The following VSTM4 variants were observed in gnomAD, a reference collection of about 807,000 sequenced individuals.
VSTM4 encodes the protein V-set and transmembrane domain-containing protein 4.
VSTM4 carries 20 observed loss-of-function variants against 36.4 expected under a neutral mutation model. The observed-to-expected ratio is 0.55, with a 90% CI of 0.39 to 0.80. VSTM4 has a LOEUF of 0.80. VSTM4 is among the 30% of genes least tolerant of loss of function. The pLI, the probability that VSTM4 is intolerant of heterozygous loss-of-function variation, is 0.00. For missense variants in VSTM4, 392 were observed against 404.5 expected, an observed-to-expected ratio of 0.97 and a Z score of 0.26; for synonymous variants, 182 against 173.9, an observed-to-expected ratio of 1.05 and a Z score of -0.37.
intron 2 of VSTM4, among the ~76,000 whole-genome samples, chr10:49,087,345 T>G (rs1844387450): frequency 6.6e-6 from 1 of 152,224 alleles, no homozygotes; most frequent in South Asian, 2.1e-4. Context: ...CTTTCATATT[T>G]GCACTTCCCA....
chr10:49,070,589 A>C (rs1844059902), intron 4 of VSTM4, among the ~76,000 whole-genome samples: 1 of 152,222 alleles, frequency 6.6e-6, no homozygotes, highest in Non-Finnish European at 1.5e-5. Flanking sequence ...AACGGCAGTC[A>C]CTCAGCACAG....
intron 7 of VSTM4, among the ~76,000 whole-genome samples, chr10:49,032,327 C>T (rs985245478): frequency 9.3e-5 from 14 of 151,276 alleles, no homozygotes; most frequent in Admixed American, 2.0e-4. Flanking sequence ...GACCACATCA[C>T]TGGGCTCCCC....
chr10:49,025,731 TGGCTACCAAGTGACCGGCACACG>T (rs1344925632), intron 7 of VSTM4, among the ~76,000 whole-genome samples: 1 of 152,198 alleles, frequency 6.6e-6, no homozygotes, highest in Non-Finnish European at 1.5e-5. Flanking sequence ...GCAATGCACC[TGGCTACCAAGTGACCGGCACACG>T]GGCTAGCTGC....
rs74473854 is a variant in VSTM4, at chr10:49,081,180, C to A, written c.527-3854G>T. On this transcript the variant is annotated intron_variant, in intron 3 of 7. Transcript: ENST00000332853. ...AGTCCTGCCTTTCCACATTGGTCAG[C>A]AAACTACTCCAGAACAGGATGGCAG... is the stretch of plus-strand genomic sequence containing the variant. 1.8e-4 allele frequency among the ~76,000 whole-genome samples: 28 copies of A among 152,270 alleles called. No individual in the cohort carries two copies. In the East Asian group the frequency reaches 5.4e-3, roughly 29 times the overall value.
At chr10:49,106,496 A>G (rs1011448510) in intron 2 of VSTM4, among the ~76,000 whole-genome samples, 1 of 152,270 alleles carries the variant, frequency 6.6e-6, no homozygotes, top group African/African-American at 2.4e-5. Flanking sequence ...GAGATGTTGC[A>G]GAAATGCTGT....
intron 5 of VSTM4, among the ~76,000 whole-genome samples, chr10:49,058,099 A>G (rs990373134): frequency 1.6e-4 from 24 of 152,202 alleles, no homozygotes; most frequent in African/African-American, 5.5e-4. Context: ...CTCTGCAGCC[A>G]TCCTCAGCTT....
At chr10:49,064,664 A>G in intron 5 of VSTM4, 39 bp downstream of exon 5, 4 of 1,593,494 alleles carry the variant, frequency 2.5e-6, no homozygotes, top group Non-Finnish European at 3.4e-6. Flanking sequence ...GTTAAATGGC[A>G]AAGAGTTTCA....
At chr10:49,108,131 C>T in intron 1 of VSTM4, 136 bp from the exon 2 acceptor site, 1 of 1,249,568 alleles carries the variant, frequency 8.0e-7, no homozygotes, top group Non-Finnish European at 1.1e-6. Flanking sequence ...AAGCAGGCGG[C>T]CCCTCACCTC....
At chr10:49,077,147 G>C in intron 4 of VSTM4, 72 bp downstream of exon 4, 1 of 1,478,840 alleles carries the variant, frequency 6.8e-7, no homozygotes. Flanking sequence ...GTGGTACTTT[G>C]TCTAGCATCT....
In VSTM4 at chr10:49,077,180, G is replaced by T. The variant is rs745418130; in HGVS notation, c.634+39C>A. The T allele has an allele frequency of 5.0e-6, 8 of 1,595,174 alleles. No individual in the cohort carries two copies. The South Asian group carries it at 7.7e-5, about 15-fold the overall frequency. ...TCTTCCGCCCGTCTGTGGTCGGGGT[G>T]TGCTCCCATCCCAGACATGACCTTA... On this transcript the variant is annotated intron_variant, in intron 4 of 7. Transcript: ENST00000332853.
At chr10:49,066,325 C>T (rs537986317) in intron 4 of VSTM4, among the ~76,000 whole-genome samples, 2 of 152,134 alleles carry the variant, frequency 1.3e-5, no homozygotes, top group Non-Finnish European at 2.9e-5. Context: ...GTCAATAAAG[C>T]AAATTATTAA....
chr10:49,112,794 TTA>T (rs1374836599), intron 1 of VSTM4, among the ~76,000 whole-genome samples: 6 of 152,226 alleles, frequency 3.9e-5, no homozygotes. Context: ...ATGTAGCTGG[TTA>T]TGTTTGTAGA....
chr10:49,050,882 C>G (rs1489814737), intron 5 of VSTM4, among the ~76,000 whole-genome samples: 1 of 152,144 alleles, frequency 6.6e-6, no homozygotes, highest in Admixed American at 6.5e-5. Flanking sequence ...CTTGCTTTTG[C>G]TTTTAAACAG....
At chr10:49,095,557 C>A (rs1431908987) in intron 2 of VSTM4, among the ~76,000 whole-genome samples, 1 of 152,142 alleles carries the variant, frequency 6.6e-6, no homozygotes, top group African/African-American at 2.4e-5. Flanking sequence ...GCCTCTCTGG[C>A]CTCTTGCAAC....
chr10:49,114,002 C>T (rs539886144), intron 1 of VSTM4, among the ~76,000 whole-genome samples: 2 of 152,246 alleles, frequency 1.3e-5, no homozygotes, highest in Admixed American at 6.5e-5. Flanking sequence ...ATCTCTGGGA[C>T]ACCCACTCTG....
intron 3 of VSTM4, 31 bp from the exon 4 acceptor site, chr10:49,077,357 C>T: frequency 6.2e-7 from 1 of 1,606,186 alleles, no homozygotes; most frequent in Non-Finnish European, 8.5e-7. Flanking sequence ...CGTGAGTCAG[C>T]CTTCTGGGGG....
chr10:49,088,585 T>C (rs1448559729), intron 2 of VSTM4, among the ~76,000 whole-genome samples: 3 of 152,208 alleles, frequency 2.0e-5, no homozygotes, highest in Non-Finnish European at 4.4e-5. Context: ...GTGAGCAGAA[T>C]GGAGCGGAGC....
intron 5 of VSTM4, among the ~76,000 whole-genome samples, chr10:49,057,636 GGAA>G (rs1215467990): frequency 6.6e-6 from 1 of 152,180 alleles, no homozygotes; most frequent in Non-Finnish European, 1.5e-5. Flanking sequence ...GGAGGGCTGT[GGAA>G]GAAGGACACT....
intron 3 of VSTM4, among the ~76,000 whole-genome samples, chr10:49,084,946 C>T (rs1034070489): frequency 1.3e-5 from 2 of 152,248 alleles, no homozygotes; most frequent in African/African-American, 4.8e-5. Context: ...TTGGCCCCTG[C>T]CACTAGATGC....
Sources: allele counts gnomAD v4.1 joint callset (sites outside exome capture counted in the v4.1 genomes callset), GRCh38; gene constraint gnomAD v4.1.1; transcripts MANE v1.5; gene names NCBI Gene and HGNC (gene_info 2026-07-23, HGNC 2026-07-21).